Variants in CD163L1 observed in about 807,000 individuals in gnomAD.
The protein encoded by CD163L1 is CD163 molecule like 1.
In CD163L1, 124 loss-of-function variants were observed where a neutral mutation model predicts 165.4. The observed-to-expected ratio is 0.75, with a 90% CI of 0.65 to 0.87. The LOEUF (loss-of-function observed/expected upper bound fraction) is 0.87. Ranked by LOEUF, CD163L1 falls within the 40% of genes least tolerant of loss-of-function variation. The pLI is 0.00. For missense variants in CD163L1, 1,525 were observed against 1,799.9 expected, an observed-to-expected ratio of 0.85 and a Z score of 2.76; for synonymous variants, 585 against 662.2, an observed-to-expected ratio of 0.88 and a Z score of 1.79.
chr12:7,329,621 T>G, the CD163L1 span, among the ~76,000 whole-genome samples: 2 of 151,748 alleles, frequency 1.3e-5, no homozygotes, highest in Non-Finnish European at 2.9e-5. Context: ...TTTGTTTGTG[T>G]TTTTTTTAAC....
chr12:7,411,457 T>C (rs1259448269), intron 4 of CD163L1, among the ~76,000 whole-genome samples: 1 of 152,176 alleles, frequency 6.6e-6, no homozygotes, highest in African/African-American at 2.4e-5. Flanking sequence ...GGATCTCTCA[T>C]GAATGGCTTT....
intron 8 of CD163L1, among the ~76,000 whole-genome samples, chr12:7,395,031 T>C (rs1362797823): frequency 1.3e-5 from 2 of 152,202 alleles, no homozygotes; most frequent in Non-Finnish European, 2.9e-5. Flanking sequence ...TGGAAGACAG[T>C]GTGGCAAATC....
chr12:7,432,324 C>T lies in CD163L1; in HGVS notation c.766+92G>A, dbSNP rs1591968524. 10 of 984,556 alleles carry T rather than the reference C, an allele frequency of 1.0e-5. No individual in the cohort carries two copies. In the East Asian group the frequency reaches 2.5e-4, roughly 24 times the overall value. The allele number at this position is 984,556 out of a possible 1,614,324, so 61.0% of individuals were successfully genotyped here. A position where few individuals can be genotyped will look rare whatever the true frequency, so the allele number is the denominator to read the frequency against. On this transcript the variant is annotated intron_variant, in intron 4 of 19. Coordinates refer to ENST00000313599, the MANE Select transcript of CD163L1 (RefSeq NM_174941.6). The surrounding 1 kb of genome is among the most constrained non-coding windows in gnomAD (Gnocchi z 4.2). ...AAATGTGTTATAACCAGAGAAAATT[C>T]TTCTCCAGAGAATGATTGACCTTTT...
chr12:7,371,905 T>C (rs1374293214), intron 14 of CD163L1, among the ~76,000 whole-genome samples: 1 of 151,948 alleles, frequency 6.6e-6, no homozygotes, highest in Admixed American at 6.6e-5. Flanking sequence ...TACACACATA[T>C]GATACTCAAG....
chr12:7,322,570 A>T, the CD163L1 span: 1 of 1,592,584 alleles, frequency 6.3e-7, no homozygotes, highest in African/African-American at 1.3e-5. Flanking sequence ...TATGTTTAGT[A>T]TATGTGGGGG....
chr12:7,418,144 G>T (rs780762072), intron 4 of CD163L1, among the ~76,000 whole-genome samples: 1 of 151,904 alleles, frequency 6.6e-6, no homozygotes, highest in South Asian at 2.1e-4. Flanking sequence ...CACAAAACGA[G>T]TCTCCACACA....
intron 18 of CD163L1, among the ~76,000 whole-genome samples, chr12:7,364,294 T>C (rs777870682): frequency 1.7e-4 from 26 of 152,258 alleles, no homozygotes; most frequent in South Asian, 1.7e-3. Context: ...TACTTCAACA[T>C]AATAAAGGCT....
chr12:7,360,144 CT>C (rs200668500), intron 18 of CD163L1, among the ~76,000 whole-genome samples: 8 of 149,694 alleles, frequency 5.3e-5, no homozygotes, highest in African/African-American at 1.7e-4. Flanking sequence ...ATATGTACAT[CT>C]TTTTTTTTTC....
chr12:7,438,521 A>G (rs1183371722), intron 2 of CD163L1, among the ~76,000 whole-genome samples: 2 of 152,212 alleles, frequency 1.3e-5, no homozygotes, highest in African/African-American at 4.8e-5. Flanking sequence ...AATGCTCCAT[A>G]TATCATCTGA....
At chr12:7,440,083 G>T (rs1318809449) in intron 2 of CD163L1, 1 of 1,003,458 alleles carries the variant, frequency 1.0e-6, no homozygotes, top group Non-Finnish European at 1.5e-6. Flanking sequence ...CACATCAGCG[G>T]CGTAACGGAA....
At chr12:7,323,527 T>G in the CD163L1 span, 3 of 1,613,750 alleles carry the variant, frequency 1.9e-6, no homozygotes, top group Admixed American at 5.0e-5. Flanking sequence ...GACTCAAACC[T>G]ACACGGCCCT....
chr12:7,377,657 T>G (rs1342222115), intron 9 of CD163L1, among the ~76,000 whole-genome samples: 9 of 152,208 alleles, frequency 5.9e-5, no homozygotes, highest in Non-Finnish European at 1.3e-4. Context: ...CTAAGCTTAG[T>G]GGAAATTGTT....
At chr12:7,322,108 G>C in the CD163L1 span, among the ~76,000 whole-genome samples, 1 of 152,108 alleles carries the variant, frequency 6.6e-6, no homozygotes, top group African/African-American at 2.4e-5. Flanking sequence ...TATATCATGT[G>C]GCTCATCAAA....
the CD163L1 span, among the ~76,000 whole-genome samples, chr12:7,334,371 C>T: frequency 6.6e-6 from 1 of 152,158 alleles, no homozygotes; most frequent in African/African-American, 2.4e-5. Flanking sequence ...AGCATATAAA[C>T]AGAACCAAAG....
the CD163L1 span, among the ~76,000 whole-genome samples, chr12:7,333,447 A>G: frequency 1.3e-5 from 2 of 152,332 alleles, no homozygotes; most frequent in African/African-American, 4.8e-5. Context: ...ACCAATGAGA[A>G]CAAAGACACA....
the CD163L1 span, among the ~76,000 whole-genome samples, chr12:7,321,524 TG>T: frequency 7.2e-5 from 11 of 152,340 alleles, no homozygotes; most frequent in African/African-American, 2.6e-4. Context: ...TCCTAGTCAG[TG>T]TCAACTCCTT....
chr12:7,433,595 T>C lies in CD163L1; in HGVS notation c.224A>G (p.Asp75Gly), dbSNP rs1303902581. The stretch of plus-strand genomic sequence containing the variant: ...AGTTGAGGCAGTAGTGTTCCACCCA[T>C]CATCACACACAGTCCCCCACTGTCC... Reference protein sequence around the residue: ...FQGQWGTVCDDGWNTTASTVV... With the variant: ...FQGQWGTVCDGGWNTTASTVV... Residue 75 changes from aspartate to glycine, a missense_variant, in exon 3 of 20, where the codon GAT becomes GGT. Physicochemically the swap from Asp to Gly is moderately conservative, Grantham distance 94. Coordinates refer to ENST00000313599, the MANE Select transcript of CD163L1 (RefSeq NM_174941.6). The C allele has an allele frequency of 1.2e-6, 2 of 1,614,130 alleles. No homozygotes were observed. Among genetic ancestry groups the C allele is most frequent in the Admixed American group, 1.7e-5 (1 of 60,008 alleles).
At chr12:7,391,595 T>G (rs1231022494) in intron 8 of CD163L1, among the ~76,000 whole-genome samples, 1 of 152,040 alleles carries the variant, frequency 6.6e-6, no homozygotes, top group Non-Finnish European at 1.5e-5. Context: ...CATTAGCCAA[T>G]TCAATCAAGT....
chr12:7,356,591 C>A (rs901259942), intron 19 of CD163L1, among the ~76,000 whole-genome samples: 3 of 152,224 alleles, frequency 2.0e-5, no homozygotes, highest in African/African-American at 7.2e-5. Flanking sequence ...ATGCTGTTTT[C>A]AGAATTGCTA....
Sources: gnomAD v4.1 joint callset for allele counts (sites outside exome capture counted in the v4.1 genomes callset) on GRCh38, gnomAD v4.1.1 for gene constraint, Gnocchi (gnomAD v3.1) non-coding constraint, MANE v1.5 for transcripts, NCBI Gene and HGNC (gene_info 2026-07-23, HGNC 2026-07-21) for gene names.